Variants in LRFN1 observed in about 807,000 individuals in gnomAD.
LRFN1 encodes the protein leucine rich repeat and fibronectin type III domain containing 1, also known as leucine-rich repeat and fibronectin type III domain-containing protein 1.
LRFN1 carries 20 observed loss-of-function variants against 31.8 expected under a neutral mutation model. That is an observed-to-expected ratio of 0.63 (90% confidence interval 0.44 to 0.91). LRFN1 has a LOEUF of 0.91. Among genes scored for constraint, LRFN1 ranks in the 40% least tolerant of loss-of-function variants. The pLI is 0.00. For missense variants in LRFN1, 912 were observed against 1,129.8 expected, an observed-to-expected ratio of 0.81 and a Z score of 2.76; for synonymous variants, 514 against 541.3, an observed-to-expected ratio of 0.95 and a Z score of 0.70.
rs1265161681 is a variant in LRFN1 at position 39,306,951 on chromosome 19, G to C, written c.*682C>G. Reference sequence around the variant, plus strand: ...CTGGTCCTTCCAGTGGGACCTGCCCGGGAGAATGAGTAAAGAGAAGAAATC... The same window carrying C: ...CTGGTCCTTCCAGTGGGACCTGCCCCGGAGAATGAGTAAAGAGAAGAAATC... On this transcript the variant is annotated 3_prime_UTR_variant, in exon 5 of 5. Coordinates refer to ENST00000248668, the MANE Select transcript of LRFN1 (RefSeq NM_020862.2). 1 of 196,932 alleles carries C rather than the reference G, an allele frequency of 5.1e-6. No individual in the cohort carries two copies. The highest frequency in any genetic ancestry group is 1.0e-5 in the Non-Finnish European group (1 of 98,570). 12.2% of individuals were successfully genotyped at this position (196,932 alleles called of 1,614,324 possible). A position where few individuals can be genotyped will look rare whatever the true frequency, so the allele number is the denominator to read the frequency against.
rs1158226645 is a variant in LRFN1, at chr19:39,308,314, G to A, written c.1635C>T (p.Val545=). 1 of 1,613,324 alleles carries A rather than the reference G, an allele frequency of 6.2e-7. No homozygotes were observed. The highest frequency in any genetic ancestry group is 8.5e-7 in the Non-Finnish European group (1 of 1,179,688). ...GAACGATGAAGACGAGGACCGAGGC[G>A]ACGATGACGCCCCCGATGGCGATGA... ...TMIIAIGGVI[V]ASVLVFIVLL... is the part of the protein sequence containing the mutation. The change falls in exon 5 of 5, where the codon GTC becomes GTT. Residue 545 remains valine (V), a synonymous_variant. Coordinates refer to ENST00000248668, the MANE Select transcript of LRFN1 (RefSeq NM_020862.2). The surrounding 1 kb of genome is among the most constrained non-coding windows in gnomAD (Gnocchi z 6.2).
chr19:39,317,120 C>T (rs1294091949), intron 2 of LRFN1, among the ~76,000 whole-genome samples: 6 of 151,480 alleles, frequency 4.0e-5, no homozygotes, highest in Non-Finnish European at 8.8e-5. Flanking sequence ...AAAGATGAGT[C>T]TGAAAGGAAG....
In LRFN1 at chr19:39,316,094, C is replaced by G. The variant is rs531661084; in HGVS notation, c.-50G>C. On this transcript the variant is annotated 5_prime_UTR_variant, in exon 3 of 5. Coordinates refer to ENST00000248668, the MANE Select transcript of LRFN1 (RefSeq NM_020862.2). ...CTCTGATACTTACTAGCTGTGTGAC[C>G]TCCAGCAAGTATCTGAACCTCTCTG... The G allele has an allele frequency of 6.6e-6, 1 of 152,322 alleles. No homozygotes were observed. Among genetic ancestry groups the G allele is most frequent in the East Asian group, 1.9e-4 (1 of 5,182 alleles). 9.4% of individuals were successfully genotyped at this position (152,322 alleles called of 1,614,324 possible). A position where few individuals can be genotyped will look rare whatever the true frequency, so the allele number is the denominator to read the frequency against.
At chr19:39,317,281 C>T (rs571858317) in intron 2 of LRFN1, among the ~76,000 whole-genome samples, 2 of 151,970 alleles carry the variant, frequency 1.3e-5, no homozygotes, top group Non-Finnish European at 2.9e-5. Context: ...AGACAATGAC[C>T]GGGCTGAAGG....
intron 1 of LRFN1, among the ~76,000 whole-genome samples, chr19:39,320,106 C>G (rs1480543214): frequency 2.0e-5 from 3 of 149,860 alleles, no homozygotes; most frequent in South Asian, 2.1e-4. Context: ...CCCATCCCCC[C>G]CCCGCAACCA....
At position 39,314,847 on chromosome 19, in the gene LRFN1, C is replaced by T. The variant is rs755405933; in HGVS notation, c.490G>A (p.Val164Met). Reference protein sequence around the residue: ...SAAFDAFLSTVEDLDLSYNNL... With the variant: ...SAAFDAFLSTMEDLDLSYNNL... ...TTGTAGGACAGATCCAGGTCCTCCA[C>T]GGTGGACAGGAAGGCGTCAAAGGCC... Residue 164 changes from valine (V) to methionine (M), a missense_variant, in exon 4 of 5, where the codon GTG (valine) becomes ATG (methionine). Val to Met is a conservative substitution (Grantham distance 21). Transcript: ENST00000248668. 6.2e-7 allele frequency: 1 copy of T among 1,611,920 alleles called. No individual in the cohort carries two copies. The highest frequency in any genetic ancestry group is 1.7e-5 in the Admixed American group (1 of 59,710).
intron 4 of LRFN1, among the ~76,000 whole-genome samples, chr19:39,309,431 G>A (rs1414349933): frequency 7.7e-6 from 1 of 129,768 alleles, no homozygotes. Context: ...TCTAGCTTGG[G>A]CTACAAGACC....
intron 1 of LRFN1, 33 bp downstream of exon 1, chr19:39,320,760 C>A: frequency 6.7e-6 from 1 of 148,180 alleles, no homozygotes; most frequent in South Asian, 1.8e-4. Context: ...CGCCCCCGCC[C>A]GCCGCTCCCG....
In LRFN1 at chr19:39,308,243, C is replaced by G; in HGVS notation, c.1706G>C (p.Arg569Pro). Residue 569 changes from arginine (R) to proline (P), a missense_variant, in exon 5 of 5, where the codon CGC becomes CCC. Arg to Pro is a moderately radical substitution (Grantham distance 103, BLOSUM62 -2). Coordinates refer to ENST00000248668, the MANE Select transcript of LRFN1 (RefSeq NM_020862.2). This position sits in a 1 kb window ranked among gnomAD's most constrained non-coding sequence, Gnocchi z 6.2. Reference sequence around the variant, plus strand: ...CGGGAGCGACCTGGAGCCCTTGACGCGGCGGCTGTCCCCGTCGCCATACAC... The same window carrying G: ...CGGGAGCGACCTGGAGCCCTTGACGGGGCGGCTGTCCCCGTCGCCATACAC... ...YKVYGDGDSR[R>P]VKGSRSLPRV... 1 of 1,612,332 alleles carries G rather than the reference C, an allele frequency of 6.2e-7. No individual in the cohort carries two copies. The highest frequency in any genetic ancestry group is 1.1e-5 in the South Asian group (1 of 91,048).
rs754482080 is a variant in LRFN1 at position 39,314,296 on chromosome 19, G to A, written c.1041C>T (p.Thr347=). Residue 347 remains threonine, a synonymous_variant, in exon 4 of 5, where the codon ACC becomes ACT. Transcript: ENST00000248668. Reference sequence around the variant, plus strand: ...CCAGCGTCCCGTCCCCCCGGACCCGGGTCCGGCTGGAGTTCCCCAGCAGCC... The same window carrying A: ...CCAGCGTCCCGTCCCCCCGGACCCGAGTCCGGCTGGAGTTCCCCAGCAGCC... The part of the protein sequence containing the change: ...DGRLLGNSSR[T]RVRGDGTLDV... 1 of 1,608,484 alleles carries A rather than the reference G, an allele frequency of 6.2e-7. No individual in the cohort carries two copies. The highest frequency in any genetic ancestry group is 8.5e-7 in the Non-Finnish European group (1 of 1,177,746).
intron 1 of LRFN1, among the ~76,000 whole-genome samples, chr19:39,320,307 C>G (rs2075184527): frequency 8.3e-6 from 1 of 119,782 alleles, no homozygotes; most frequent in Non-Finnish European, 1.7e-5. Flanking sequence ...AACCCGCAGA[C>G]ACACACACAC....
Position 39,308,387 on chromosome 19 carries a change from G to A in LRFN1, c.1562C>T (p.Pro521Leu). ...GCVQFTTAGD[P>L]APCRPLRAHF... ...GGCCCTCAGCGGGCGGCAGGGCGCC[G>A]GATCCCCAGCGGTGGTGAACTGTAC... Residue 521 changes from proline (P) to leucine (L), a missense_variant, in exon 5 of 5, where the codon CCG becomes CTG. By Grantham distance (98) the Pro-to-Leu change is moderately conservative. Transcript: ENST00000248668. The surrounding 1 kb of genome is among the most constrained non-coding windows in gnomAD (Gnocchi z 6.2). 6.2e-7 allele frequency: 1 copy of A among 1,611,566 alleles called. No homozygotes were observed. The highest frequency in any genetic ancestry group is 1.7e-5 in the Admixed American group (1 of 59,812).
Position 39,307,772 on chromosome 19 carries a change from G to C in LRFN1, c.2177C>G (p.Thr726Arg). The change falls in exon 5 of 5, where the codon ACA (threonine) becomes AGA (arginine). Residue 726 changes from threonine (T) to arginine (R), a missense_variant. Around this residue, in one of 2 missense-constraint regions of LRFN1, gnomAD observed 511 missense variants for 557.0 expected, o/e 0.92. Transcript: ENST00000248668. This position sits in a 1 kb window ranked among gnomAD's most constrained non-coding sequence, Gnocchi z 6.7. ...GTGCGGCGTGGACCGGTGGCGCTTTGTCCGCCGGGCGCGGCGCGGGTAACT... is the reference window on the plus strand; with the variant it reads ...GTGCGGCGTGGACCGGTGGCGCTTTCTCCGCCGGGCGCGGCGCGGGTAACT... Reference protein sequence around the residue: ...SHSYPRRARRTKRHRSTPHLD... With the variant: ...SHSYPRRARRRKRHRSTPHLD... 1 of 1,489,338 alleles carries C rather than the reference G, an allele frequency of 6.7e-7. No homozygotes were observed. The highest frequency in any genetic ancestry group is 8.9e-7 in the Non-Finnish European group (1 of 1,128,416). 92.3% of individuals were successfully genotyped at this position (1,489,338 alleles called of 1,614,324 possible).
chr19:39,320,235 G>C (rs2145041218), intron 1 of LRFN1, among the ~76,000 whole-genome samples: 1 of 151,454 alleles, frequency 6.6e-6, no homozygotes, highest in South Asian at 2.1e-4. Context: ...TGGGCGCCGA[G>C]CCTCAGCCCC....
chr19:39,308,583 G>C lies in LRFN1; in HGVS notation c.1407-41C>G. The C allele has an allele frequency of 1.3e-6, 2 of 1,511,744 alleles. No individual in the cohort carries two copies. Among genetic ancestry groups the C allele is most frequent in the Non-Finnish European group, 1.8e-6 (2 of 1,130,704 alleles). 93.6% of individuals were successfully genotyped at this position (1,511,744 alleles called of 1,614,324 possible). On this transcript the variant is annotated intron_variant, in intron 4 of 4. Transcript: ENST00000248668. The surrounding 1 kb of genome is among the most constrained non-coding windows in gnomAD (Gnocchi z 6.2). ...GGTTCAGGGCGGGGTTAGTCCCCCC[G>C]AACCACGCCCCTTCGCTTTATGCCC...
rs1240550485 is a variant in LRFN1 at position 39,307,940 on chromosome 19, C to G, written c.2009G>C (p.Arg670Pro). The part of the protein sequence containing the change: ...GEESRAAVGP[R>P]RSRSGALEPP... ...CTCCAGGGCGCCGGATCGGCTCCTT[C>G]GAGGGCCCACCGCGGCCCGAGACTC... Residue 670 changes from arginine to proline, a missense_variant, in exon 5 of 5, where the codon CGA becomes CCA. Coordinates refer to ENST00000248668, the MANE Select transcript of LRFN1 (RefSeq NM_020862.2). This position sits in a 1 kb window ranked among gnomAD's most constrained non-coding sequence, Gnocchi z 6.7. 6.4e-7 allele frequency: 1 copy of G among 1,564,196 alleles called. No homozygotes were observed. The highest frequency in any genetic ancestry group is 2.4e-5 in the East Asian group (1 of 41,856).
Position 39,307,390 on chromosome 19 carries a change from A to AG in LRFN1, c.*242dup, listed in dbSNP as rs1179120048. 4.9e-6 allele frequency: 2 copies of AG among 411,744 alleles called. No individual in the cohort carries two copies. Among genetic ancestry groups the AG allele is most frequent in the Non-Finnish European group, 8.5e-6 (2 of 236,080 alleles). The allele number at this position is 411,744 out of a possible 1,614,324, so 25.5% of individuals were successfully genotyped here. Reference sequence around the variant, plus strand: ...GCGAGCGCGCGAGGGGAGGGGTAGGAGGGGGGTCGAGGAGTCCATAGGGGA... The same window carrying AG: ...GCGAGCGCGCGAGGGGAGGGGTAGGAGGGGGGGTCGAGGAGTCCATAGGGGA... On this transcript the variant is annotated 3_prime_UTR_variant, in exon 5 of 5. Transcript: ENST00000248668. This position sits in a 1 kb window ranked among gnomAD's most constrained non-coding sequence, Gnocchi z 6.7.
In LRFN1 at chr19:39,314,373, G is replaced by A. The variant is rs1198299325; in HGVS notation, c.964C>T (p.Arg322Ter). 1.3e-6 allele frequency: 2 copies of A among 1,589,280 alleles called. No homozygotes were observed. The highest frequency in any genetic ancestry group is 1.7e-6 in the Non-Finnish European group (2 of 1,169,736). The change falls in exon 4 of 5, where the codon CGA becomes TGA. Residue 322 changes from arginine to a stop codon, truncating the protein, a stop_gained. Coordinates refer to ENST00000248668, the MANE Select transcript of LRFN1 (RefSeq NM_020862.2). LOFTEE classifies it high-confidence loss of function. ...VEGQAVSLRC[R>*]AVGDPEPVVH... Reference sequence around the variant, plus strand: ...ACCGGCTCGGGGTCACCCACCGCTCGGCAGCGCAGGCTCACCGCCTGGCCT... The same window carrying A: ...ACCGGCTCGGGGTCACCCACCGCTCAGCAGCGCAGGCTCACCGCCTGGCCT...
intron 4 of LRFN1, among the ~76,000 whole-genome samples, chr19:39,312,454 C>T (rs2075153891): frequency 6.6e-6 from 1 of 152,222 alleles, no homozygotes; most frequent in African/African-American, 2.4e-5. Context: ...GGCAAACTAC[C>T]ATTTATCAAG....
Sources: allele counts gnomAD v4.1 joint callset (sites outside exome capture counted in the v4.1 genomes callset), GRCh38; gene constraint gnomAD v4.1.1; regional missense constraint gnomAD v4.1.1; non-coding constraint Gnocchi (gnomAD v3.1); transcripts MANE v1.5; gene names NCBI Gene and HGNC (gene_info 2026-07-23, HGNC 2026-07-21).